The following TIAM1 variants were observed in gnomAD, a reference collection of about 807,000 sequenced individuals.
The protein encoded by TIAM1 is rho guanine nucleotide exchange factor TIAM1.
In TIAM1, 65 loss-of-function variants were observed where a neutral mutation model predicts 163.5. The observed-to-expected ratio is 0.40, with a 90% CI of 0.33 to 0.49. TIAM1 has a LOEUF of 0.49. Among genes scored for constraint, TIAM1 ranks in the 20% least tolerant of loss-of-function variants. TIAM1 has a pLI of 0.77. For missense variants in TIAM1, 1,789 were observed against 2,044.7 expected (o/e 0.87, Z 2.41); for synonymous variants, 833 against 810.1 (o/e 1.03, Z -0.48).
intron 2 of TIAM1, among the ~76,000 whole-genome samples, chr21:31,427,350 G>A (rs1471425234): frequency 6.6e-6 from 1 of 152,042 alleles, no homozygotes; most frequent in African/African-American, 2.4e-5. Flanking sequence ...GGCCGGGCGT[G>A]GTGGTGGGCG....
intron 17 of TIAM1, among the ~76,000 whole-genome samples, chr21:31,153,805 A>T (rs556342739): frequency 1.6e-3 from 245 of 152,278 alleles, no homozygotes; most frequent in African/African-American, 5.6e-3. Context: ...TCACGCCTAT[A>T]GTCCCAGTAC....
At chr21:31,221,207 G>C (rs191244080) in intron 8 of TIAM1, among the ~76,000 whole-genome samples, 61 of 152,306 alleles carry the variant, frequency 4.0e-4, no homozygotes, top group African/African-American at 1.4e-3. Flanking sequence ...TTCCACAGGA[G>C]CTAAAGCAAC....
rs142683151 is a variant in TIAM1, at chr21:31,155,747, C to A, written c.2992-1321G>T. Among the ~76,000 whole-genome samples the A allele has an allele frequency of 3.9e-3, 598 of 152,164 alleles. 3 individuals carry two copies. The highest frequency in any genetic ancestry group is 0.014 in the African/African-American group (566 of 41,524). On this transcript the variant is annotated intron_variant, in intron 16 of 27. Coordinates refer to ENST00000541036, the MANE Select transcript of TIAM1 (RefSeq NM_001353694.2). ...TCTCAATCTGACCTTGTGATCCACC[C>A]GCCTTGGCCTCCCAAAGTGCTGGGA...
chr21:31,526,984 GAGCCACCACGCC>G (rs2047808981), intron 1 of TIAM1, among the ~76,000 whole-genome samples: 1 of 152,118 alleles, frequency 6.6e-6, no homozygotes, highest in African/African-American at 2.4e-5. Context: ...TTACAGGCGT[GAGCCACCACGCC>G]TGGCCAAAAG....
Position 31,296,870 on chromosome 21 carries a change from A to G in TIAM1, c.-188-19962T>C, listed in dbSNP as rs150306794. Among the ~76,000 whole-genome samples, 826 of 152,252 alleles carry G rather than the reference A, an allele frequency of 5.4e-3. 12 individuals are homozygous for G. Among genetic ancestry groups the G allele is most frequent in the African/African-American group, 0.019 (786 of 41,568 alleles). On this transcript the variant is annotated intron_variant, in intron 2 of 27. Coordinates refer to ENST00000541036, the MANE Select transcript of TIAM1 (RefSeq NM_001353694.2). ...AGTAGAGATGGGGTTTCATCGTGTT[A>G]GCCAGGATGGTCTTGATTTCCTGAC...
rs1386946437 is a variant in TIAM1 at position 31,225,742 on chromosome 21, T to G, written c.1793A>C (p.Lys598Thr). 2 of 1,612,478 alleles carry G rather than the reference T, an allele frequency of 1.2e-6. No individual in the cohort carries two copies. The highest frequency in any genetic ancestry group is 1.7e-6 in the Non-Finnish European group (2 of 1,180,040). Residue 598 changes from lysine to threonine, a missense_variant, in exon 7 of 28, where the codon AAA becomes ACA. Around this residue, in one of 5 missense-constraint regions of TIAM1, gnomAD observed 456 missense variants for 586.6 expected, o/e 0.78. Coordinates refer to ENST00000541036, the MANE Select transcript of TIAM1 (RefSeq NM_001353694.2). ...LSSVTDSKKK[K>T]TILDQIFVWE... Reference sequence around the variant, plus strand: ...AACGATTACCTGATCTAATATTGTTTTCTTTTTCTTTGAGTCAGTGACTGA... The same window carrying G: ...AACGATTACCTGATCTAATATTGTTGTCTTTTTCTTTGAGTCAGTGACTGA...
At chr21:31,409,142 G>A (rs554082224) in intron 2 of TIAM1, among the ~76,000 whole-genome samples, 7 of 144,902 alleles carry the variant, frequency 4.8e-5, no homozygotes, top group Non-Finnish European at 9.0e-5. Context: ...ACGAAGTCTC[G>A]CACTGTCACC....
intron 1 of TIAM1, among the ~76,000 whole-genome samples, chr21:31,472,961 T>A (rs1409593379): frequency 6.6e-6 from 1 of 152,208 alleles, no homozygotes; most frequent in Admixed American, 6.5e-5. Flanking sequence ...CAGTCAAATG[T>A]GGAAATTCTT....
chr21:31,234,240 A>C (rs889223181), intron 6 of TIAM1, among the ~76,000 whole-genome samples: 16 of 151,954 alleles, frequency 1.1e-4, no homozygotes, highest in African/African-American at 3.9e-4. Context: ...GATGCAAGGG[A>C]ATCTAAAACT....
intron 2 of TIAM1, among the ~76,000 whole-genome samples, chr21:31,405,853 A>C (rs1162380807): frequency 6.6e-6 from 1 of 152,126 alleles, no homozygotes; most frequent in Non-Finnish European, 1.5e-5. Flanking sequence ...AACACACACA[A>C]CACAGATGGG....
intron 1 of TIAM1, among the ~76,000 whole-genome samples, chr21:31,518,775 G>C (rs79706976): frequency 0.06 from 9,108 of 152,224 alleles, 494 homozygotes; most frequent in Admixed American, 0.16. Flanking sequence ...CCAGGTGCAA[G>C]TAATAGCAAT....
chr21:31,419,770 A>C (rs1177709464), intron 2 of TIAM1, among the ~76,000 whole-genome samples: 1 of 152,164 alleles, frequency 6.6e-6, no homozygotes, highest in African/African-American at 2.4e-5. Flanking sequence ...AACATCCTAG[A>C]CTGAGCGTGG....
chr21:31,414,190 T>C (rs999699322), intron 2 of TIAM1, among the ~76,000 whole-genome samples: 2 of 152,148 alleles, frequency 1.3e-5, no homozygotes, highest in Non-Finnish European at 2.9e-5. Context: ...CAGAACTCAT[T>C]TTCTTTGTGA....
intron 3 of TIAM1, among the ~76,000 whole-genome samples, chr21:31,273,001 G>C (rs2146844018): frequency 6.6e-6 from 1 of 152,206 alleles, no homozygotes; most frequent in East Asian, 1.9e-4. Flanking sequence ...GCAAGTTGGA[G>C]TAAACCAACT....
chr21:31,295,971 G>C (rs768995044), intron 2 of TIAM1, among the ~76,000 whole-genome samples: 1 of 152,010 alleles, frequency 6.6e-6, no homozygotes, highest in East Asian at 1.9e-4. Flanking sequence ...CTAATTTTTT[G>C]TATGTTTACT....
At chr21:31,440,922 T>C (rs562981557) in intron 2 of TIAM1, among the ~76,000 whole-genome samples, 1 of 152,232 alleles carries the variant, frequency 6.6e-6, no homozygotes, top group East Asian at 1.9e-4. Flanking sequence ...ACTGTCCACT[T>C]TAATTAGTTG....
intron 15 of TIAM1, among the ~76,000 whole-genome samples, chr21:31,173,842 A>T (rs566526957): frequency 3.3e-5 from 5 of 152,300 alleles, no homozygotes; most frequent in Admixed American, 6.5e-5. Context: ...ATCAAAATAG[A>T]GCATCTCAGT....
chr21:31,475,040 A>ATTATTATTATTATTG lies in TIAM1; in HGVS notation c.-421-11006_-421-11005insCAATAATAATAATAA, dbSNP rs1159352045. Reference sequence around the variant, plus strand: ...GAGCTAGTTTTTTATTATTATTATTATTATTATTATTATTATTATTATTTA... The same window carrying ATTATTATTATTATTG: ...GAGCTAGTTTTTTATTATTATTATTATTATTATTATTATTGTTATTATTATTATTATTATTATTTA... On this transcript the variant is annotated intron_variant, in intron 1 of 28. Coordinates refer to the TIAM1 transcript ENST00000286827. Among the ~76,000 whole-genome samples the ATTATTATTATTATTG allele has an allele frequency of 1.9e-3, 123 of 65,270 alleles. 1 individual carries two copies. The highest frequency in any genetic ancestry group is 0.017 in the Admixed American group (109 of 6,458). 42.8% of individuals were successfully genotyped at this position (65,270 alleles called of 152,430 possible).
At chr21:31,475,043 ATT>A (rs1384191670) in intron 1 of TIAM1, among the ~76,000 whole-genome samples, 1 of 65,972 alleles carries the variant, frequency 1.5e-5, no homozygotes, top group African/African-American at 6.8e-5. Flanking sequence ...TATTATTATT[ATT>A]ATTATTATTA....
Sources: allele counts gnomAD v4.1 joint callset (sites outside exome capture counted in the v4.1 genomes callset), GRCh38; gene constraint gnomAD v4.1.1; regional missense constraint gnomAD v4.1.1; transcripts MANE v1.5; gene names NCBI Gene and HGNC (gene_info 2026-07-23, HGNC 2026-07-21).